The following WDR72 variants were observed in gnomAD, a reference collection of about 807,000 sequenced individuals.
The protein encoded by WDR72 is WD repeat domain 72, also known as WD repeat-containing protein 72.
Under a neutral mutation model 124.2 loss-of-function variants are expected in WDR72, and 120 were observed. The observed-to-expected ratio is 0.97, with a 90% CI of 0.83 to 1.12. The LOEUF (loss-of-function observed/expected upper bound fraction) is 1.12. Among genes scored for constraint, WDR72 ranks in the 50% most tolerant of loss-of-function variants. The pLI is 0.00. For synonymous variants in WDR72, 452 were observed against 441.7 expected (o/e 1.02, Z -0.29); for missense variants, 1,387 against 1,278.8 (o/e 1.08, Z -1.29).
chr15:53,514,464 T>TATC lies in WDR72; in HGVS notation c.*3232_*3234dup, dbSNP rs1891327876. Reference sequence around the variant, plus strand: ...CCCTCTAAGGATGGAAGAGAAATAGTATCTTTTCTAAAGTGTTCATTATAA... The same window carrying TATC: ...CCCTCTAAGGATGGAAGAGAAATAGTATCATCTTTTCTAAAGTGTTCATTATAA... On this transcript the variant is annotated 3_prime_UTR_variant, in exon 20 of 20. Coordinates refer to ENST00000360509, the MANE Select transcript of WDR72 (RefSeq NM_182758.4). The TATC allele has an allele frequency of 6.6e-6, 1 of 152,172 alleles. No homozygotes were observed. Among genetic ancestry groups the TATC allele is most frequent in the Non-Finnish European group, 1.5e-5 (1 of 68,026 alleles). 9.4% of individuals were successfully genotyped at this position (152,172 alleles called of 1,614,324 possible).
chr15:53,608,691 G>A (rs2013395973), intron 17 of WDR72, among the ~76,000 whole-genome samples: 1 of 151,966 alleles, frequency 6.6e-6, no homozygotes, highest in Non-Finnish European at 1.5e-5. Context: ...GGAAGAACGA[G>A]GCTGCAGTGA....
chr15:53,657,970 C>G (rs1173658218), intron 14 of WDR72, among the ~76,000 whole-genome samples: 1 of 152,184 alleles, frequency 6.6e-6, no homozygotes, highest in African/African-American at 2.4e-5. Context: ...GCTATTTTAA[C>G]AGCTGACTTC....
chr15:53,731,008 GC>G (rs139308000), intron 2 of WDR72, among the ~76,000 whole-genome samples: 9,355 of 152,030 alleles, frequency 0.062, 984 homozygotes, highest in African/African-American at 0.21. Flanking sequence ...TCTATGGTTA[GC>G]CGTAGAAAAT....
chr15:53,526,763 G>T (rs1428885348), intron 18 of WDR72, among the ~76,000 whole-genome samples: 1 of 152,006 alleles, frequency 6.6e-6, no homozygotes, highest in Non-Finnish European at 1.5e-5. Flanking sequence ...AGATACTTTT[G>T]ACATCAATAT....
intron 13 of WDR72, among the ~76,000 whole-genome samples, chr15:53,678,078 G>A (rs1294278437): frequency 2.6e-5 from 4 of 152,188 alleles, no homozygotes; most frequent in Non-Finnish European, 2.9e-5. Flanking sequence ...CAGGTTTAGG[G>A]ATAGATTTAA....
chr15:53,625,780 A>G (rs917013076), intron 14 of WDR72, among the ~76,000 whole-genome samples: 2 of 147,896 alleles, frequency 1.4e-5, no homozygotes, highest in African/African-American at 2.6e-5. Context: ...GAAAAACAGA[A>G]AGGACCAACT....
At chr15:53,535,295 TC>T (rs1383514096) in intron 18 of WDR72, among the ~76,000 whole-genome samples, 1 of 152,168 alleles carries the variant, frequency 6.6e-6, no homozygotes, top group Admixed American at 6.5e-5. Flanking sequence ...AAATATTTCC[TC>T]ATTGTATTGC....
At chr15:53,726,264 G>GTGTGTGTATA (rs1555428779) in intron 2 of WDR72, among the ~76,000 whole-genome samples, 8 of 110,356 alleles carry the variant, frequency 7.2e-5, no homozygotes, top group African/African-American at 3.2e-4. Flanking sequence ...ATGTATGTGT[G>GTGTGTGTATA]TATATATATA....
At chr15:53,555,211 A>T (rs1429361760) in intron 18 of WDR72, among the ~76,000 whole-genome samples, 1 of 89,648 alleles carries the variant, frequency 1.1e-5, no homozygotes, top group East Asian at 7.1e-4. Flanking sequence ...GCCATTTAAG[A>T]TAAAAAAAAA....
intron 18 of WDR72, among the ~76,000 whole-genome samples, chr15:53,536,197 T>G (rs1344337584): frequency 6.6e-6 from 1 of 152,152 alleles, no homozygotes; most frequent in African/African-American, 2.4e-5. Flanking sequence ...CACCCCCTTT[T>G]TCCTTTACCA....
intron 18 of WDR72, among the ~76,000 whole-genome samples, chr15:53,541,264 C>G (rs1331566964): frequency 6.6e-6 from 1 of 152,172 alleles, no homozygotes; most frequent in Non-Finnish European, 1.5e-5. Context: ...TTGAAGAGAG[C>G]AGTGGTTCTC....
rs944326720 is a variant in WDR72, at chr15:53,615,225, T to C, written c.2780+201A>G. On this transcript the variant is annotated intron_variant, in intron 15 of 19. Coordinates refer to ENST00000360509, the MANE Select transcript of WDR72 (RefSeq NM_182758.4). ...TTGAGTTAATGAATTTTAAATCATA[T>C]AGATTTATTGCCAAATTATACTCTA... Among the ~76,000 whole-genome samples, 12 of 152,148 alleles carry C rather than the reference T, an allele frequency of 7.9e-5. No homozygotes were observed. The South Asian group carries it at 1.7e-3, about 21-fold the overall frequency.
rs1267558327 is a variant in WDR72, at chr15:53,514,960, G to T, written c.*2739C>A. On this transcript the variant is annotated 3_prime_UTR_variant, in exon 20 of 20. Transcript: ENST00000360509. ...ATGTGAAACTCAACAGCAAGTCAAA[G>T]AATCAAGGCTTGCAAATGAAAATAT... 1 of 135,370 alleles carries T rather than the reference G, an allele frequency of 7.4e-6. No individual in the cohort carries two copies. Among genetic ancestry groups the T allele is most frequent in the Non-Finnish European group, 1.6e-5 (1 of 62,352 alleles). The allele number at this position is 135,370 out of a possible 1,614,324, so 8.4% of individuals were successfully genotyped here. A position where few individuals can be genotyped will look rare whatever the true frequency, so the allele number is the denominator to read the frequency against.
chr15:53,696,924 T>C (rs957782121), intron 13 of WDR72, among the ~76,000 whole-genome samples: 1 of 152,126 alleles, frequency 6.6e-6, no homozygotes, highest in African/African-American at 2.4e-5. Context: ...TCAAATGAGG[T>C]GGTCAATGGG....
Position 53,546,324 on chromosome 15 carries a change from C to T in WDR72, c.3149-23002G>A, listed in dbSNP as rs564766939. On this transcript the variant is annotated intron_variant, in intron 18 of 19. Transcript: ENST00000360509. Reference sequence around the variant, plus strand: ...TGTGGCACATATACACCATGGAATACTATGCAGCCATAAATAATGATGAGT... The same window carrying T: ...TGTGGCACATATACACCATGGAATATTATGCAGCCATAAATAATGATGAGT... Among the ~76,000 whole-genome samples, 3 of 152,156 alleles carry T rather than the reference C, an allele frequency of 2.0e-5. No homozygotes were observed. The East Asian group carries it at 5.8e-4, about 29-fold the overall frequency.
intron 17 of WDR72, among the ~76,000 whole-genome samples, chr15:53,599,385 A>G (rs1268304424): frequency 6.6e-6 from 1 of 152,134 alleles, no homozygotes; most frequent in Non-Finnish European, 1.5e-5. Context: ...TATAAGTGAA[A>G]ACGTTTGTAT....
intron 18 of WDR72, among the ~76,000 whole-genome samples, chr15:53,591,081 A>G (rs536945449): frequency 6.6e-6 from 1 of 151,934 alleles, no homozygotes; most frequent in Admixed American, 6.6e-5. Flanking sequence ...CCCCACCCCA[A>G]CTTTTTGCTT....
At chr15:53,646,935 C>T (rs1415183321) in intron 14 of WDR72, among the ~76,000 whole-genome samples, 2 of 151,900 alleles carry the variant, frequency 1.3e-5, no homozygotes, top group African/African-American at 4.8e-5. Context: ...AAAATATTCC[C>T]CCAAATTGTA....
At chr15:53,682,632 C>G (rs2016435161) in intron 13 of WDR72, among the ~76,000 whole-genome samples, 1 of 152,102 alleles carries the variant, frequency 6.6e-6, no homozygotes, top group African/African-American at 2.4e-5. Flanking sequence ...TCATCTCTCT[C>G]AAATTTGAAG....
Sources: allele counts gnomAD v4.1 joint callset (sites outside exome capture counted in the v4.1 genomes callset), GRCh38; gene constraint gnomAD v4.1.1; transcripts MANE v1.5; gene names NCBI Gene and HGNC (gene_info 2026-07-23, HGNC 2026-07-21).